Variants in INTS13 observed in about 807,000 individuals in gnomAD.
INTS13 encodes the protein asunder, spermatogenesis regulator homolog (Drosphila).
Under a neutral mutation model 90.2 loss-of-function variants are expected in INTS13, and 35 were observed. The ratio of observed to expected loss-of-function variants is 0.39; its 90% CI spans 0.30 to 0.51. INTS13 has a LOEUF of 0.51. Ranked by LOEUF, INTS13 falls within the 20% of genes least tolerant of loss-of-function variation. The pLI is 0.80. For missense variants in INTS13, 601 were observed against 851.2 expected, an observed-to-expected ratio of 0.71 and a Z score of 3.66; for synonymous variants, 309 against 277.1, an observed-to-expected ratio of 1.11 and a Z score of -1.14.
chr12:26,911,129 C>G, intron 15 of INTS13, 49 bp downstream of exon 15: 1 of 1,573,748 alleles, frequency 6.4e-7, no homozygotes, highest in Admixed American at 1.9e-5. Flanking sequence ...GCCACCACAC[C>G]CGGCCTGGAA....
In INTS13 at chr12:26,928,239, G is replaced by T; in HGVS notation, c.550C>A (p.His184Asn). 1 of 1,610,640 alleles carries T rather than the reference G, an allele frequency of 6.2e-7. No individual in the cohort carries two copies. The highest frequency in any genetic ancestry group is 8.5e-7 in the Non-Finnish European group (1 of 1,177,460). The change falls in exon 5 of 17, where the codon CAT becomes AAT. Residue 184 changes from histidine to asparagine, a missense_variant. Around this residue, in one of 3 missense-constraint regions of INTS13, gnomAD observed 284 missense variants for 387.7 expected, o/e 0.73. Transcript: ENST00000261191. ...TTTGCAGCAAGCTTGTTATGTTCATGAATCGTTTCCTGGACACAGTCTTCA... is the reference window on the plus strand; with the variant it reads ...TTTGCAGCAAGCTTGTTATGTTCATTAATCGTTTCCTGGACACAGTCTTCA... ...MLEDCVQETI[H>N]EHNKLAANSD...
At chr12:26,914,646 A>G (rs898343439) in intron 11 of INTS13, 68 bp from the exon 12 acceptor site, 7 of 1,306,458 alleles carry the variant, frequency 5.4e-6, no homozygotes, top group South Asian at 2.7e-5. Context: ...TACATGTACT[A>G]GTCTGTTTCC....
intron 15 of INTS13, 132 bp from the exon 16 acceptor site, chr12:26,906,569 C>T (rs1000339530): frequency 2.1e-6 from 2 of 956,544 alleles, no homozygotes; most frequent in African/African-American, 3.4e-5. Context: ...TTCTGTAGTT[C>T]ATTTTACACG....
At chr12:26,915,929 A>C in intron 11 of INTS13, 73 bp downstream of exon 11, 1 of 1,132,958 alleles carries the variant, frequency 8.8e-7, no homozygotes, top group Non-Finnish European at 1.2e-6. Context: ...TTAGCATTTA[A>C]CGAGCACTCG....
In INTS13 at chr12:26,924,499, C is replaced by T. The variant is rs578261575; in HGVS notation, c.676-16G>A. 205 of 1,586,726 alleles carry T rather than the reference C, an allele frequency of 1.3e-4. 2 individuals are homozygous for T. In the South Asian group the frequency reaches 2.3e-3, roughly 18 times the overall value. ...CCGGGGACAACTACAGAAAAACATA[C>T]AAGAAAAATAATCCACAAAATATTA... On this transcript the variant is annotated splice_polypyrimidine_tract_variant and intron_variant, in intron 6 of 16. Transcript: ENST00000261191.
chr12:26,912,765 T>C (rs1368478528), intron 14 of INTS13, among the ~76,000 whole-genome samples: 2 of 151,950 alleles, frequency 1.3e-5, no homozygotes, highest in Non-Finnish European at 2.9e-5. Flanking sequence ...TCTTACTCTA[T>C]TGCCCAGGCT....
chr12:26,920,228 G>A (rs940907967), intron 8 of INTS13, among the ~76,000 whole-genome samples: 4 of 151,784 alleles, frequency 2.6e-5, no homozygotes, highest in Non-Finnish European at 5.9e-5. Flanking sequence ...AGTAAAACCT[G>A]CCTAACTCTT....
chr12:26,907,680 A>G (rs1197003739), intron 15 of INTS13, among the ~76,000 whole-genome samples: 1 of 152,232 alleles, frequency 6.6e-6, no homozygotes, highest in African/African-American at 2.4e-5. Context: ...CTTGCAAATC[A>G]CCTGTCCAAC....
chr12:26,922,763 T>G (rs1937656396), intron 7 of INTS13, 63 bp from the exon 8 acceptor site: 1 of 1,043,278 alleles, frequency 9.6e-7, no homozygotes, highest in Non-Finnish European at 1.4e-6. Flanking sequence ...ATAAAATTAT[T>G]AATTATTCAT....
chr12:26,934,883 G>A (rs2136324707), intron 2 of INTS13, among the ~76,000 whole-genome samples: 1 of 152,270 alleles, frequency 6.6e-6, no homozygotes, highest in Admixed American at 6.5e-5. Flanking sequence ...TAGGACAGAA[G>A]GCACTGCGGG....
chr12:26,927,538 A>G (rs1937947059), intron 5 of INTS13, among the ~76,000 whole-genome samples: 1 of 152,238 alleles, frequency 6.6e-6, no homozygotes, highest in South Asian at 2.1e-4. Context: ...ACTTATGTTT[A>G]GATGTGGTAC....
intron 8 of INTS13, among the ~76,000 whole-genome samples, chr12:26,918,171 G>A (rs1951998288): frequency 6.6e-6 from 1 of 151,706 alleles, no homozygotes; most frequent in South Asian, 2.1e-4. Flanking sequence ...AATAATAATA[G>A]AGCAAACTGG....
intron 5 of INTS13, among the ~76,000 whole-genome samples, chr12:26,926,345 G>T (rs141244493): frequency 2.0e-5 from 3 of 152,084 alleles, no homozygotes; most frequent in Non-Finnish European, 4.4e-5. Flanking sequence ...AATGAACAAC[G>T]TATGTCCTTC....
Position 26,906,789 on chromosome 12 carries a change from T to C in INTS13, c.1946-352A>G, listed in dbSNP as rs117060374. Among the ~76,000 whole-genome samples the C allele has an allele frequency of 4.8e-3, 730 of 152,318 alleles. 3 individuals are homozygous for C. The highest frequency in any genetic ancestry group is 7.6e-3 in the Non-Finnish European group (519 of 68,018). On this transcript the variant is annotated intron_variant, in intron 15 of 16. Transcript: ENST00000261191. Reference sequence around the variant, plus strand: ...TGAGGTGGAGACTGGCAGAATCCATTTGCAGGCTTCCCATGCTCACTCTCT... The same window carrying C: ...TGAGGTGGAGACTGGCAGAATCCATCTGCAGGCTTCCCATGCTCACTCTCT...
intron 15 of INTS13, 73 bp downstream of exon 15, chr12:26,911,105 G>C: frequency 6.6e-7 from 1 of 1,506,708 alleles, no homozygotes; most frequent in Non-Finnish European, 8.9e-7. Flanking sequence ...AAAGTGCTGG[G>C]ATTACAGGGG....
intron 5 of INTS13, among the ~76,000 whole-genome samples, chr12:26,927,542 G>A (rs766523598): frequency 1.3e-5 from 2 of 152,174 alleles, no homozygotes; most frequent in Non-Finnish European, 2.9e-5. Context: ...ATGTTTAGAT[G>A]TGGTACATAC....
chr12:26,934,802 T>C (rs1242526657), intron 2 of INTS13, among the ~76,000 whole-genome samples, 172 bp from the exon 3 acceptor site: 1 of 152,180 alleles, frequency 6.6e-6, no homozygotes, highest in Non-Finnish European at 1.5e-5. Flanking sequence ...ACTGAGTACA[T>C]GGGAATAGAG....
In INTS13 at chr12:26,925,826, A is replaced by G; in HGVS notation, c.610T>C (p.Leu204=). ...DHLMQIQKCE[L]VLIHTYPVGE... ...ACTGGGTAGGTGTGGATCAAGACCA[A>G]CTCACATTTTTGAATCTGCATGAGA... The change falls in exon 6 of 17, where the codon TTG becomes CTG. Residue 204 remains leucine (L), a synonymous_variant. Transcript: ENST00000261191. 6.2e-7 allele frequency: 1 copy of G among 1,612,842 alleles called. No homozygotes were observed. The highest frequency in any genetic ancestry group is 8.5e-7 in the Non-Finnish European group (1 of 1,179,286).
intron 11 of INTS13, 43 bp from the exon 12 acceptor site, chr12:26,914,621 T>C: frequency 1.4e-6 from 2 of 1,468,398 alleles, no homozygotes; most frequent in African/African-American, 1.4e-5. Context: ...CTATGTCTAA[T>C]GTTTCAGTAT....
Sources: gnomAD v4.1 joint callset for allele counts (sites outside exome capture counted in the v4.1 genomes callset) on GRCh38, gnomAD v4.1.1 for gene constraint, gnomAD v4.1.1 regional missense constraint, MANE v1.5 for transcripts, NCBI Gene and HGNC (gene_info 2026-07-23, HGNC 2026-07-21) for gene names.